The following KIF13A variants were observed in gnomAD, a reference collection of about 807,000 sequenced individuals.
KIF13A encodes kinesin family member 13A.
Under a neutral mutation model 212.2 loss-of-function variants are expected in KIF13A, and 79 were observed. The observed-to-expected ratio is 0.37, with a 90% CI of 0.31 to 0.45. KIF13A has a LOEUF of 0.45. KIF13A is among the 20% of genes least tolerant of loss of function. The pLI, the probability that KIF13A is intolerant of heterozygous loss-of-function variation, is 1.00. For missense variants in KIF13A, 1,901 were observed against 2,209.0 expected, an observed-to-expected ratio of 0.86 and a Z score of 2.79; for synonymous variants, 789 against 808.6, an observed-to-expected ratio of 0.98 and a Z score of 0.41.
At chr6:17,842,216 A>AC (rs1282228761) in intron 9 of KIF13A, among the ~76,000 whole-genome samples, 1 of 151,354 alleles carries the variant, frequency 6.6e-6, no homozygotes, top group Non-Finnish European at 1.5e-5. Context: ...CACCTGGCTA[A>AC]TTTTTAAATT....
At chr6:17,824,301 C>T (rs568927442) in intron 16 of KIF13A, among the ~76,000 whole-genome samples, 2 of 152,190 alleles carry the variant, frequency 1.3e-5, no homozygotes, top group Non-Finnish European at 2.9e-5. Context: ...TTTAATCCTG[C>T]AACAGAATCC....
intron 3 of KIF13A, among the ~76,000 whole-genome samples, chr6:17,874,300 G>C (rs1330052039): frequency 1.5e-4 from 1 of 6,756 alleles, no homozygotes; most frequent in Non-Finnish European, 3.5e-4. Flanking sequence ...GGTGGTGGTG[G>C]GGGGGGTTCT....
chr6:17,770,065 G>A (rs778421176), intron 38 of KIF13A, among the ~76,000 whole-genome samples: 2 of 152,152 alleles, frequency 1.3e-5, no homozygotes, highest in Non-Finnish European at 2.9e-5. Context: ...GCAGGTGGGT[G>A]GCCAACTGCA....
intron 3 of KIF13A, among the ~76,000 whole-genome samples, chr6:17,891,019 A>G (rs950118505): frequency 1.3e-5 from 2 of 151,944 alleles, no homozygotes; most frequent in African/African-American, 4.8e-5. Context: ...CAGACTCAAA[A>G]CTACAGTCAC....
Position 17,968,702 on chromosome 6 carries a change from CCT to C in KIF13A, c.146+18350_146+18351del, listed in dbSNP as rs1345279314. On this transcript the variant is annotated intron_variant, in intron 2 of 38. Coordinates refer to ENST00000259711, the MANE Select transcript of KIF13A (RefSeq NM_022113.6). This position sits in a 1 kb window ranked among gnomAD's most constrained non-coding sequence, Gnocchi z 4.7. ...CTCATGTAGTCCTAAGCAGCTACAG[CCT>C]CTGCCTGTCAGCCAAAGGCAGTAGC... 6.6e-6 allele frequency among the ~76,000 whole-genome samples: 1 copy of C among 152,232 alleles called. No homozygotes were observed. The highest frequency in any genetic ancestry group is 1.5e-5 in the Non-Finnish European group (1 of 68,046).
intron 2 of KIF13A, among the ~76,000 whole-genome samples, chr6:17,976,077 T>G (rs1035977630): frequency 1.3e-5 from 2 of 152,242 alleles, no homozygotes; most frequent in African/African-American, 4.8e-5. Context: ...GTCCCTGAGC[T>G]AGACATAAAG....
In KIF13A at chr6:17,886,503, CAG is replaced by C. The variant is rs1771554005; in HGVS notation, c.159+11663_159+11664del. Among the ~76,000 whole-genome samples the C allele has an allele frequency of 6.6e-6, 1 of 152,168 alleles. No individual in the cohort carries two copies. Among genetic ancestry groups the C allele is most frequent in the Admixed American group, 6.5e-5 (1 of 15,270 alleles). On this transcript the variant is annotated intron_variant, in intron 3 of 38. Coordinates refer to ENST00000259711, the MANE Select transcript of KIF13A (RefSeq NM_022113.6). This position sits in a 1 kb window ranked among gnomAD's most constrained non-coding sequence, Gnocchi z 5.6. The stretch of plus-strand genomic sequence containing the variant: ...TCCAGAAGGCTTTCACTATTCTAGA[CAG>C]GGAGATGGATCAACACCAAGAGACA...
At position 17,828,286 on chromosome 6, in the gene KIF13A, T is replaced by A; in HGVS notation, c.1486A>T (p.Ile496Phe). The A allele has an allele frequency of 6.2e-7, 1 of 1,610,512 alleles. No individual in the cohort carries two copies. The highest frequency in any genetic ancestry group is 8.5e-7 in the Non-Finnish European group (1 of 1,178,182). ...GIQPQHCEIDIASDGDVTLTP... is the reference protein window; with the variant it reads ...GIQPQHCEIDFASDGDVTLTP... ...AGAGTGACGTCTCCATCAGATGCAA[T>A]GTCAATCTCACAGTGCTGAGGCTGA... Residue 496 changes from isoleucine (I) to phenylalanine (F), a missense_variant, in exon 14 of 39, where the codon ATT becomes TTT. This residue lies in a region of KIF13A where 506 missense variants were observed against 637.4 expected (regional missense o/e 0.79). Coordinates refer to ENST00000259711, the MANE Select transcript of KIF13A (RefSeq NM_022113.6). The surrounding 1 kb of genome is among the most constrained non-coding windows in gnomAD (Gnocchi z 4.3).
chr6:17,950,826 C>G, intron 2 of KIF13A: 1 of 979,720 alleles, frequency 1.0e-6, no homozygotes, highest in African/African-American at 1.7e-5. Context: ...TTTTGCATTT[C>G]TTAAAATAAT....
Position 17,982,994 on chromosome 6 carries a change from C to A in KIF13A, c.146+4060G>T, listed in dbSNP as rs1781220987. Among the ~76,000 whole-genome samples, 1 of 152,036 alleles carries A rather than the reference C, an allele frequency of 6.6e-6. No individual in the cohort carries two copies. Among genetic ancestry groups the A allele is most frequent in the South Asian group, 2.1e-4 (1 of 4,820 alleles). On this transcript the variant is annotated intron_variant, in intron 2 of 38. Coordinates refer to ENST00000259711, the MANE Select transcript of KIF13A (RefSeq NM_022113.6). The surrounding 1 kb of genome is among the most constrained non-coding windows in gnomAD (Gnocchi z 5.1). Reference sequence around the variant, plus strand: ...GACCAGCCTGGCCAACATAGTGAAACCCCGTCTCTACTAAAAATACACAAA... The same window carrying A: ...GACCAGCCTGGCCAACATAGTGAAAACCCGTCTCTACTAAAAATACACAAA...
At chr6:17,890,682 A>G (rs181912657) in intron 3 of KIF13A, among the ~76,000 whole-genome samples, 134 of 150,684 alleles carry the variant, frequency 8.9e-4, no homozygotes, top group African/African-American at 2.9e-3. Context: ...GCTAGAGTGC[A>G]GTGGCACAAT....
chr6:17,891,796 C>T (rs937130151), intron 3 of KIF13A, among the ~76,000 whole-genome samples: 1 of 152,040 alleles, frequency 6.6e-6, no homozygotes, highest in Admixed American at 6.6e-5. Flanking sequence ...TTGGGGAGAA[C>T]AAGTGTATGA....
At chr6:17,950,038 A>C (rs1293163989) in intron 2 of KIF13A, among the ~76,000 whole-genome samples, 1 of 152,196 alleles carries the variant, frequency 6.6e-6, no homozygotes, top group Non-Finnish European at 1.5e-5. Flanking sequence ...CAACCAATTT[A>C]CTGGGCACTC....
chr6:17,926,019 G>A lies in KIF13A; in HGVS notation c.147-27839C>T, dbSNP rs899638383. Among the ~76,000 whole-genome samples, 4 of 152,164 alleles carry A rather than the reference G, an allele frequency of 2.6e-5. No individual in the cohort carries two copies. Among genetic ancestry groups the A allele is most frequent in the East Asian group, 1.9e-4 (1 of 5,196 alleles). ...AGAATCTGCTGTGCCCACAGCACCA[G>A]AAGAGGCAGCTGTATCTATGATGCT... On this transcript the variant is annotated intron_variant, in intron 2 of 38. Coordinates refer to ENST00000259711, the MANE Select transcript of KIF13A (RefSeq NM_022113.6). This position sits in a 1 kb window ranked among gnomAD's most constrained non-coding sequence, Gnocchi z 4.3.
chr6:17,931,325 C>A lies in KIF13A; in HGVS notation c.147-33145G>T, dbSNP rs139648215. 1.4e-4 allele frequency among the ~76,000 whole-genome samples: 21 copies of A among 152,296 alleles called. No homozygotes were observed. In the East Asian group the frequency reaches 4.1e-3, roughly 29 times the overall value. ...TCAAATGGATATCAAACACAATTTG[C>A]ACTCATGAAATAGTATTCCATGGAG... On this transcript the variant is annotated intron_variant, in intron 2 of 38. Coordinates refer to ENST00000259711, the MANE Select transcript of KIF13A (RefSeq NM_022113.6).
At chr6:17,791,460 A>G (rs946779102) in intron 25 of KIF13A, among the ~76,000 whole-genome samples, 2 of 147,454 alleles carry the variant, frequency 1.4e-5, no homozygotes, top group Non-Finnish European at 3.0e-5. Flanking sequence ...GGCAGCAAAG[A>G]AAAAAAAAGC....
At chr6:17,807,912 C>T (rs1201240594) in intron 18 of KIF13A, among the ~76,000 whole-genome samples, 1 of 152,138 alleles carries the variant, frequency 6.6e-6, no homozygotes, top group Non-Finnish European at 1.5e-5. Flanking sequence ...TGGGCGGGTT[C>T]CCCTGATAAA....
In KIF13A at chr6:17,816,289, G is replaced by C. The variant is rs763181693; in HGVS notation, c.2000+731C>G. Among the ~76,000 whole-genome samples the C allele has an allele frequency of 1.2e-4, 18 of 151,282 alleles. No individual in the cohort carries two copies. The highest frequency in any genetic ancestry group is 1.9e-4 in the African/African-American group (8 of 41,114). On this transcript the variant is annotated intron_variant, in intron 17 of 38. Coordinates refer to ENST00000259711, the MANE Select transcript of KIF13A (RefSeq NM_022113.6). The surrounding 1 kb of genome is among the most constrained non-coding windows in gnomAD (Gnocchi z 4.3). ...CATGATCGCAGCTCACTAAAGCCTTGATCTCTGGGGCTCAAGTGACCCTCC... is the reference window on the plus strand; with the variant it reads ...CATGATCGCAGCTCACTAAAGCCTTCATCTCTGGGGCTCAAGTGACCCTCC...
intron 3 of KIF13A, among the ~76,000 whole-genome samples, chr6:17,890,432 C>A (rs938116213): frequency 6.6e-6 from 1 of 152,016 alleles, no homozygotes; most frequent in Non-Finnish European, 1.5e-5. Context: ...CCTGGGGATG[C>A]AGAAACTGGG....
Sources: gnomAD v4.1 joint callset for allele counts (sites outside exome capture counted in the v4.1 genomes callset) on GRCh38, gnomAD v4.1.1 for gene constraint, gnomAD v4.1.1 regional missense constraint, Gnocchi (gnomAD v3.1) non-coding constraint, MANE v1.5 for transcripts, NCBI Gene and HGNC (gene_info 2026-07-23, HGNC 2026-07-21) for gene names.